PTGER4: variants seen among roughly 807,000 people sequenced by gnomAD.
PTGER4 encodes the protein prostaglandin E receptor 4, also known as prostaglandin E2 receptor EP4 subtype.
In PTGER4, 11 loss-of-function variants were observed where a neutral mutation model predicts 33.2. That is an observed-to-expected ratio of 0.33 (90% CI 0.21 to 0.55). PTGER4 has a LOEUF of 0.55. Among genes scored for constraint, PTGER4 ranks in the 20% least tolerant of loss-of-function variants. PTGER4 has a pLI of 0.92. For synonymous variants in PTGER4, 275 were observed against 281.5 expected (o/e 0.98, Z 0.23); for missense variants, 481 against 650.2 (o/e 0.74, Z 2.83).
chr5:40,722,383 G>A, the PTGER4 span, among the ~76,000 whole-genome samples: 1 of 151,350 alleles, frequency 6.6e-6, no homozygotes, highest in Non-Finnish European at 1.5e-5. Context: ...TGGGATGTGA[G>A]GAGCCCCTCT....
chr5:40,697,094 G>A (rs528568215), downstream of PTGER4, among the ~76,000 whole-genome samples: 260 of 67,786 alleles, frequency 3.8e-3, 3 homozygotes, highest in African/African-American at 0.018. Flanking sequence ...AGGAAAGAAA[G>A]AGAAAAGAAA....
At chr5:40,746,249 G>A in the PTGER4 span, among the ~76,000 whole-genome samples, 1 of 152,090 alleles carries the variant, frequency 6.6e-6, no homozygotes, top group African/African-American at 2.4e-5. Context: ...AAAGAAAAAA[G>A]AAATGGGTGC....
chr5:40,738,435 T>TATAAA, the PTGER4 span, among the ~76,000 whole-genome samples: 184 of 83,750 alleles, frequency 2.2e-3, no homozygotes, highest in African/African-American at 7.8e-3. Flanking sequence ...TAAAATAAAA[T>TATAAA]ATAAAATAAA....
At position 40,679,965 on chromosome 5, in the gene PTGER4, G is replaced by A. The variant is rs917110698; in HGVS notation, c.-557G>A. 1.3e-5 allele frequency: 2 copies of A among 152,766 alleles called. No homozygotes were observed. Among genetic ancestry groups the A allele is most frequent in the South Asian group, 4.1e-4 (2 of 4,844 alleles). The allele number at this position is 152,766 out of a possible 1,614,324, so 9.5% of individuals were successfully genotyped here. A position where few individuals can be genotyped will look rare whatever the true frequency, so the allele number is the denominator to read the frequency against. On this transcript the variant is annotated 5_prime_UTR_variant, in exon 1 of 3. Transcript: ENST00000302472. Reference sequence around the variant, plus strand: ...AGCTCCAAGCCCGGCAGCCCGAGAGGAAGATGAACAGCCCCAGGCCAGAGC... The same window carrying A: ...AGCTCCAAGCCCGGCAGCCCGAGAGAAAGATGAACAGCCCCAGGCCAGAGC...
the PTGER4 span, among the ~76,000 whole-genome samples, chr5:40,729,744 G>A: frequency 6.6e-6 from 1 of 152,066 alleles, no homozygotes; most frequent in Non-Finnish European, 1.5e-5. Context: ...TGTCACCCAG[G>A]CTGGAGTGCA....
At chr5:40,730,089 T>C in the PTGER4 span, among the ~76,000 whole-genome samples, 5 of 152,190 alleles carry the variant, frequency 3.3e-5, no homozygotes, top group Non-Finnish European at 5.9e-5. Context: ...CAAATGAATT[T>C]CCAGTTTTAT....
the PTGER4 span, chr5:40,716,541 T>C: frequency 7.7e-7 from 1 of 1,302,352 alleles, no homozygotes. Context: ...TTTTAAAAAT[T>C]AGTATGTTTA....
At chr5:40,723,804 A>C in the PTGER4 span, among the ~76,000 whole-genome samples, 1 of 151,628 alleles carries the variant, frequency 6.6e-6, no homozygotes, top group Non-Finnish European at 1.5e-5. Context: ...GGCAGAGGTT[A>C]CAGTGAGCCG....
chr5:40,728,131 A>G, the PTGER4 span, among the ~76,000 whole-genome samples: 1 of 151,802 alleles, frequency 6.6e-6, no homozygotes, highest in Non-Finnish European at 1.5e-5. Flanking sequence ...AAAATACAAA[A>G]ACATTAGCCA....
chr5:40,697,286 G>GAAAGAAAGA (rs1741633637), downstream of PTGER4, among the ~76,000 whole-genome samples: 1 of 131,088 alleles, frequency 7.6e-6, no homozygotes. Flanking sequence ...AAGAAAGAAA[G>GAAAGAAAGA]AAAGAAAGAA....
chr5:40,696,001 C>T (rs1299134495), downstream of PTGER4, among the ~76,000 whole-genome samples: 2 of 152,080 alleles, frequency 1.3e-5, no homozygotes, highest in Non-Finnish European at 2.9e-5. Flanking sequence ...ACTGGGTACA[C>T]TAGAAACCCA....
chr5:40,738,439 AAATAAAATACAATACAATACAATAC>A, the PTGER4 span, among the ~76,000 whole-genome samples: 93 of 119,842 alleles, frequency 7.8e-4, 4 homozygotes, highest in Admixed American at 3.5e-3. Context: ...ATAAAATATA[AAATAAAATACAATACAATACAATAC>A]AATACAATAC....
the PTGER4 span, among the ~76,000 whole-genome samples, chr5:40,724,875 T>C: frequency 1.4e-3 from 202 of 148,182 alleles, 1 homozygote; most frequent in Non-Finnish European, 2.4e-3. Flanking sequence ...TTTTTTGAGA[T>C]GGAGTCTCAC....
the PTGER4 span, chr5:40,730,455 G>C: frequency 1.2e-6 from 1 of 803,324 alleles, no homozygotes; most frequent in East Asian, 2.7e-5. Flanking sequence ...AACCATTTAA[G>C]TGTACAGTTC....
chr5:40,690,582 G>C (rs188389917), intron 2 of PTGER4, among the ~76,000 whole-genome samples: 1 of 152,232 alleles, frequency 6.6e-6, no homozygotes, highest in Non-Finnish European at 1.5e-5. Context: ...CTGGGGAACA[G>C]AGTCATAGAG....
the PTGER4 span, among the ~76,000 whole-genome samples, chr5:40,738,623 GAC>G: frequency 6.8e-6 from 1 of 146,826 alleles, no homozygotes; most frequent in Admixed American, 6.7e-5. Flanking sequence ...GAAACAACCA[GAC>G]AGTTTGCCAA....
chr5:40,681,784 C>T lies in PTGER4; in HGVS notation c.791C>T (p.Ala264Val), dbSNP rs1741200303. The T allele has an allele frequency of 1.3e-6, 2 of 1,595,570 alleles. 1 individual carries two copies. Among genetic ancestry groups the T allele is most frequent in the East Asian group, 4.7e-5 (2 of 42,782 alleles). Residue 264 changes from alanine (A) to valine (V), a missense_variant, in exon 2 of 3, where the codon GCG (alanine) becomes GTG (valine). This residue lies in a region of PTGER4 where 174 missense variants were observed against 210.5 expected (regional missense o/e 0.83). Coordinates refer to ENST00000302472, the MANE Select transcript of PTGER4 (RefSeq NM_000958.3). The surrounding 1 kb of genome is among the most constrained non-coding windows in gnomAD (Gnocchi z 9.8). ...FRRRRSFRRI[A>V]GAEIQMVILL... ...CGCCGCCGGAGCTTCCGCCGCATCG[C>T]GGGCGCCGAGATCCAGATGGTCATC... is the stretch of plus-strand genomic sequence containing the variant.
the PTGER4 span, among the ~76,000 whole-genome samples, chr5:40,739,589 C>T: frequency 1.3e-5 from 2 of 152,154 alleles, no homozygotes; most frequent in Admixed American, 6.5e-5. Flanking sequence ...CTCTCTTCCT[C>T]CTGCTCCAGC....
At chr5:40,719,788 T>C in the PTGER4 span, among the ~76,000 whole-genome samples, 1 of 152,248 alleles carries the variant, frequency 6.6e-6, no homozygotes, top group East Asian at 1.9e-4. Context: ...CCTTGACAAG[T>C]AACAATGTTG....
Sources: gnomAD v4.1 joint callset for allele counts (sites outside exome capture counted in the v4.1 genomes callset) on GRCh38, gnomAD v4.1.1 for gene constraint, gnomAD v4.1.1 regional missense constraint, Gnocchi (gnomAD v3.1) non-coding constraint, MANE v1.5 for transcripts, NCBI Gene and HGNC (gene_info 2026-07-23, HGNC 2026-07-21) for gene names.